Variants in CTNNA2 observed in about 807,000 individuals in gnomAD.
The protein encoded by CTNNA2 is catenin alpha 2.
Under a neutral mutation model 101.0 loss-of-function variants are expected in CTNNA2, and 42 were observed. The ratio of observed to expected loss-of-function variants is 0.42; its 90% CI spans 0.32 to 0.54. The LOEUF (loss-of-function observed/expected upper bound fraction) is 0.54, where lower values mean the gene tolerates loss of function less well. CTNNA2 is among the 20% of genes least tolerant of loss of function. The pLI, the probability that CTNNA2 is intolerant of heterozygous loss-of-function variation, is 0.14. For synonymous variants in CTNNA2, 450 were observed against 456.4 expected (o/e 0.99, Z 0.18); for missense variants, 871 against 1,223.1 (o/e 0.71, Z 4.29).
intron 9 of CTNNA2, among the ~76,000 whole-genome samples, chr2:80,458,806 C>T (rs1178308074): frequency 1.3e-5 from 2 of 152,140 alleles, no homozygotes; most frequent in African/African-American, 4.8e-5. Flanking sequence ...GAGACTTAAA[C>T]AATTATAAAT....
rs558314947 is a variant in CTNNA2, at chr2:80,184,731, C to A, written c.1057-208480C>A. On this transcript the variant is annotated intron_variant, in intron 7 of 18. Coordinates refer to ENST00000402739, the MANE Select transcript of CTNNA2 (RefSeq NM_001282597.3). ...TCTATACTTTAGTTTGTTTTATATA[C>A]CCTCCTAATAGACAGTGAAAAGACA... Among the ~76,000 whole-genome samples the A allele has an allele frequency of 8.5e-5, 13 of 152,170 alleles. No individual in the cohort carries two copies. The South Asian group carries it at 2.3e-3, about 27-fold the overall frequency.
At chr2:80,126,472 TC>T (rs1339718555) in intron 7 of CTNNA2, among the ~76,000 whole-genome samples, 7 of 151,910 alleles carry the variant, frequency 4.6e-5, no homozygotes, top group African/African-American at 1.7e-4. Flanking sequence ...TCTCTCTCTC[TC>T]TCTCTCTGTC....
rs745434400 is a variant in CTNNA2 at position 80,608,200 on chromosome 2, G to A, written c.2312G>A (p.Cys771Tyr). The part of the protein sequence containing the change: ...AVADQCPDSA[C>Y]KQDLLAYLQR... ...GTTTTATAGTGTCCTGATTCAGCATGTAAGCAGGATTTATTAGCCTACCTT... is the reference window on the plus strand; with the variant it reads ...GTTTTATAGTGTCCTGATTCAGCATATAAGCAGGATTTATTAGCCTACCTT... The change falls in exon 17 of 19, where the codon TGT becomes TAT. Residue 771 changes from cysteine to tyrosine, a missense_variant. Coordinates refer to ENST00000402739, the MANE Select transcript of CTNNA2 (RefSeq NM_001282597.3). The A allele has an allele frequency of 6.2e-7, 1 of 1,609,802 alleles. No individual in the cohort carries two copies. The highest frequency in any genetic ancestry group is 8.5e-7 in the Non-Finnish European group (1 of 1,177,060).
chr2:79,627,828 T>A (rs953798423), intron 1 of CTNNA2, among the ~76,000 whole-genome samples: 6 of 152,202 alleles, frequency 3.9e-5, no homozygotes, highest in Non-Finnish European at 8.8e-5. Context: ...TTAACATTAT[T>A]TGTTCAAGGT....
At chr2:80,101,525 A>G (rs1700544262) in intron 7 of CTNNA2, among the ~76,000 whole-genome samples, 1 of 152,208 alleles carries the variant, frequency 6.6e-6, no homozygotes, top group Non-Finnish European at 1.5e-5. Context: ...TTGTTTAATC[A>G]AGTCTATGCG....
intron 7 of CTNNA2, among the ~76,000 whole-genome samples, chr2:79,919,715 G>A (rs529136914): frequency 2.9e-4 from 44 of 152,340 alleles, no homozygotes; most frequent in Non-Finnish European, 5.9e-4. Flanking sequence ...AACAAAGTAT[G>A]TAAGAAGATC....
chr2:79,433,043 AGCCGAT>A (rs1347356554), intron 4 of CTNNA2, among the ~76,000 whole-genome samples: 1 of 152,174 alleles, frequency 6.6e-6, no homozygotes, highest in African/African-American at 2.4e-5. Flanking sequence ...CTTACACAGA[AGCCGAT>A]GCCAGCATGT....
chr2:80,531,311 C>T (rs1197576131), intron 9 of CTNNA2, among the ~76,000 whole-genome samples: 3 of 152,166 alleles, frequency 2.0e-5, no homozygotes, highest in African/African-American at 4.8e-5. Context: ...AGGACTAGTA[C>T]CTTCTATTAG....
At chr2:79,237,152 C>T (rs1402405478) in intron 2 of CTNNA2, among the ~76,000 whole-genome samples, 2 of 152,184 alleles carry the variant, frequency 1.3e-5, no homozygotes, top group African/African-American at 4.8e-5. Context: ...AAAATTAACT[C>T]TTGATCCATG....
intron 7 of CTNNA2, among the ~76,000 whole-genome samples, chr2:80,027,378 C>T (rs1694994711): frequency 1.3e-5 from 2 of 152,164 alleles, no homozygotes; most frequent in African/African-American, 4.8e-5. Context: ...AGGTGGCCAG[C>T]CCACATGGGG....
intron 2 of CTNNA2, among the ~76,000 whole-genome samples, chr2:79,729,352 C>A (rs2104910522): frequency 6.6e-6 from 1 of 152,174 alleles, no homozygotes; most frequent in African/African-American, 2.4e-5. Flanking sequence ...ATATTATTGT[C>A]TTCACTTTTC....
At chr2:80,026,852 A>T (rs756453966) in intron 7 of CTNNA2, among the ~76,000 whole-genome samples, 1 of 152,166 alleles carries the variant, frequency 6.6e-6, no homozygotes, top group East Asian at 1.9e-4. Context: ...CCTTAAATTT[A>T]TAGTTTCAAA....
intron 4 of CTNNA2, among the ~76,000 whole-genome samples, chr2:79,428,660 G>A (rs1189555076): frequency 1.3e-5 from 2 of 152,128 alleles, no homozygotes; most frequent in African/African-American, 4.8e-5. Flanking sequence ...CAGGATCTGT[G>A]TAAAGCATGC....
chr2:79,658,501 A>G (rs2104513279), intron 2 of CTNNA2, among the ~76,000 whole-genome samples: 1 of 152,166 alleles, frequency 6.6e-6, no homozygotes, highest in Admixed American at 6.5e-5. Context: ...ACTTTTTAGA[A>G]AAAATATTTT....
At chr2:79,235,348 T>G (rs537338625) in intron 2 of CTNNA2, among the ~76,000 whole-genome samples, 24 of 152,270 alleles carry the variant, frequency 1.6e-4, no homozygotes, top group Middle Eastern at 3.4e-3. Context: ...TGCATAACGT[T>G]AGCTGGCAGA....
Position 80,368,843 on chromosome 2 carries a change from A to G in CTNNA2, c.1057-24368A>G, listed in dbSNP as rs570352717. 2.5e-4 allele frequency among the ~76,000 whole-genome samples: 30 copies of G among 119,390 alleles called. 1 individual carries two copies. The highest frequency in any genetic ancestry group is 1.1e-3 in the African/African-American group (20 of 18,908). The allele number at this position is 119,390 out of a possible 152,430, so 78.3% of individuals were successfully genotyped here. ...TGTGTATATATATATGTGTGTGTGTATATATGTGTGTGTGTGTGTGTGTGT... is the reference window on the plus strand; with the variant it reads ...TGTGTATATATATATGTGTGTGTGTGTATATGTGTGTGTGTGTGTGTGTGT... On this transcript the variant is annotated intron_variant, in intron 7 of 18. Transcript: ENST00000402739.
chr2:79,361,413 T>G (rs988225488), intron 3 of CTNNA2, among the ~76,000 whole-genome samples: 3 of 152,144 alleles, frequency 2.0e-5, no homozygotes, highest in Admixed American at 2.0e-4. Context: ...GAATGGGAAA[T>G]ATAAATGGCA....
chr2:79,993,072 T>C (rs1018099452), intron 7 of CTNNA2, among the ~76,000 whole-genome samples: 1 of 152,206 alleles, frequency 6.6e-6, no homozygotes, highest in Non-Finnish European at 1.5e-5. Flanking sequence ...TGCAATTTAT[T>C]TGAGGGGAAG....
chr2:79,634,163 T>C (rs1407817823), intron 1 of CTNNA2, among the ~76,000 whole-genome samples: 2 of 152,214 alleles, frequency 1.3e-5, no homozygotes, highest in Non-Finnish European at 2.9e-5. Context: ...AAGCTGGTTT[T>C]CCCACTTTGT....
Sources: allele counts gnomAD v4.1 joint callset (sites outside exome capture counted in the v4.1 genomes callset), GRCh38; gene constraint gnomAD v4.1.1; transcripts MANE v1.5; gene names NCBI Gene and HGNC (gene_info 2026-07-23, HGNC 2026-07-21).